Variants in THSD4 observed in about 807,000 individuals in gnomAD.
THSD4 encodes the protein thrombospondin type 1 domain containing 4.
THSD4 carries 69 observed loss-of-function variants against 119.0 expected under a neutral mutation model. The observed-to-expected ratio is 0.58, with a 90% CI of 0.48 to 0.71. The LOEUF is 0.71. THSD4 is among the 30% of genes least tolerant of loss of function. The probability of loss-of-function intolerance (pLI) is 0.00; values close to 1 mark genes in which losing one functional copy is unlikely to be tolerated. For missense variants in THSD4, 1,393 were observed against 1,391.1 expected (o/e 1.00, Z -0.02); for synonymous variants, 524 against 540.4 (o/e 0.97, Z 0.42).
chr15:71,691,132 C>G (rs1474289195), intron 8 of THSD4, among the ~76,000 whole-genome samples: 3 of 152,038 alleles, frequency 2.0e-5, no homozygotes, highest in Non-Finnish European at 4.4e-5. Context: ...GAAGGGGCCA[C>G]AAACTAAGGA....
chr15:71,547,191 C>G, intron 7 of THSD4: 1 of 1,321,326 alleles, frequency 7.6e-7, no homozygotes, highest in Non-Finnish European at 9.6e-7. Context: ...CTCCCCCAGC[C>G]GGGAGAAGTT....
chr15:71,374,220 G>A (rs2046100246), intron 6 of THSD4, among the ~76,000 whole-genome samples: 1 of 152,144 alleles, frequency 6.6e-6, no homozygotes, highest in South Asian at 2.1e-4. Flanking sequence ...GGATGCAGAG[G>A]GAAGTGTACC....
At chr15:71,121,315 A>C (rs1457958749) in intron 1 of THSD4, among the ~76,000 whole-genome samples, 1 of 151,606 alleles carries the variant, frequency 6.6e-6, no homozygotes, top group Non-Finnish European at 1.5e-5. Flanking sequence ...AAAATGCTCA[A>C]AACTATCTCA....
In THSD4 at chr15:71,780,603, G is replaced by A. The variant is rs2053982728; in HGVS notation, c.*3229G>A. On this transcript the variant is annotated 3_prime_UTR_variant, in exon 18 of 18. Coordinates refer to ENST00000261862, the MANE Select transcript of THSD4 (RefSeq NM_024817.3). ...AGTCAGTTCAGTTCCGTAAAGGTATGCTCAGTGCCCGCTGCCTGCAAGCTG... is the reference window on the plus strand; with the variant it reads ...AGTCAGTTCAGTTCCGTAAAGGTATACTCAGTGCCCGCTGCCTGCAAGCTG... 1 of 454,810 alleles carries A rather than the reference G, an allele frequency of 2.2e-6. No homozygotes were observed. Among genetic ancestry groups the A allele is most frequent in the Admixed American group, 2.4e-5 (1 of 42,014 alleles). 28.2% of individuals were successfully genotyped at this position (454,810 alleles called of 1,614,324 possible). A position where few individuals can be genotyped will look rare whatever the true frequency, so the allele number is the denominator to read the frequency against.
chr15:71,377,535 G>C (rs552432241), intron 6 of THSD4, among the ~76,000 whole-genome samples: 2 of 152,226 alleles, frequency 1.3e-5, no homozygotes, highest in Non-Finnish European at 2.9e-5. Context: ...TGTAGTGACA[G>C]GGATGCAAAG....
intron 11 of THSD4, among the ~76,000 whole-genome samples, chr15:71,744,147 CTTTTTT>C (rs56158827): frequency 9.7e-6 from 1 of 102,742 alleles, no homozygotes; most frequent in Non-Finnish European, 2.0e-5. Flanking sequence ...ATTGAATCAG[CTTTTTT>C]TTTTTTTTTT....
chr15:71,644,735 T>C (rs1453216007), intron 7 of THSD4, among the ~76,000 whole-genome samples: 1 of 152,198 alleles, frequency 6.6e-6, no homozygotes, highest in African/African-American at 2.4e-5. Context: ...AAATCACTTT[T>C]ACTGGTTACT....
intron 7 of THSD4, among the ~76,000 whole-genome samples, chr15:71,477,021 G>A (rs1341981021): frequency 6.6e-6 from 1 of 152,154 alleles, no homozygotes; most frequent in East Asian, 1.9e-4. Context: ...TGCAAACTCA[G>A]GTTTCATGCT....
At chr15:71,194,358 G>A (rs1001038067) in intron 3 of THSD4, among the ~76,000 whole-genome samples, 2 of 152,144 alleles carry the variant, frequency 1.3e-5, no homozygotes, top group Non-Finnish European at 2.9e-5. Context: ...GCCTCCTCCA[G>A]CTTTGCCCCA....
intron 8 of THSD4, among the ~76,000 whole-genome samples, chr15:71,673,405 A>G (rs970001066): frequency 2.6e-5 from 4 of 152,162 alleles, no homozygotes; most frequent in Non-Finnish European, 5.9e-5. Context: ...CTTGCTAACG[A>G]TCTAACAATT....
intron 6 of THSD4, among the ~76,000 whole-genome samples, chr15:71,365,147 G>GTC (rs976375189): frequency 1.2e-4 from 18 of 151,184 alleles, no homozygotes; most frequent in African/African-American, 4.4e-4. Context: ...GTGTGTGTGT[G>GTC]TGTGTGTGTG....
chr15:71,672,289 T>C (rs1333264579), intron 8 of THSD4, among the ~76,000 whole-genome samples: 1 of 152,234 alleles, frequency 6.6e-6, no homozygotes, highest in African/African-American at 2.4e-5. Flanking sequence ...TCTCTGTTTG[T>C]CTGTTGCTGG....
chr15:71,136,271 C>G (rs1247799016), intron 1 of THSD4, among the ~76,000 whole-genome samples: 1 of 152,086 alleles, frequency 6.6e-6, no homozygotes, highest in African/African-American at 2.4e-5. Flanking sequence ...AGCCAACGTC[C>G]TGATGCTTTT....
At chr15:71,541,980 A>T (rs955851566) in intron 7 of THSD4, among the ~76,000 whole-genome samples, 6 of 152,224 alleles carry the variant, frequency 3.9e-5, no homozygotes, top group Non-Finnish European at 7.3e-5. Context: ...CAGTCTTGTA[A>T]TTGTCATATG....
chr15:71,594,210 CCTT>C (rs936978987), intron 7 of THSD4, among the ~76,000 whole-genome samples: 4 of 151,422 alleles, frequency 2.6e-5, no homozygotes, highest in African/African-American at 9.7e-5. Flanking sequence ...CTGGATGAAT[CCTT>C]TTTTTTTTTT....
chr15:71,492,185 A>G (rs1055476616), intron 7 of THSD4, among the ~76,000 whole-genome samples: 2 of 152,160 alleles, frequency 1.3e-5, no homozygotes, highest in East Asian at 3.9e-4. Flanking sequence ...AACAGCATAC[A>G]TGTAGTCCAT....
At chr15:71,413,077 T>A (rs1297009945) in intron 7 of THSD4, among the ~76,000 whole-genome samples, 2 of 152,188 alleles carry the variant, frequency 1.3e-5, no homozygotes, top group Non-Finnish European at 2.9e-5. Context: ...AGTGGCACAA[T>A]CTCAGCTCAC....
At chr15:71,355,608 C>G (rs1240878654) in intron 6 of THSD4, among the ~76,000 whole-genome samples, 1 of 152,074 alleles carries the variant, frequency 6.6e-6, no homozygotes, top group East Asian at 1.9e-4. Context: ...AGAGGACTGT[C>G]CCGGGTGCTG....
chr15:71,164,922 C>T (rs1412880997), intron 3 of THSD4: 20 of 1,571,602 alleles, frequency 1.3e-5, no homozygotes, highest in Middle Eastern at 4.6e-4. Context: ...TCAGGCTTTC[C>T]TTTAGCTCGA....
Sources: allele counts gnomAD v4.1 joint callset (sites outside exome capture counted in the v4.1 genomes callset), GRCh38; gene constraint gnomAD v4.1.1; transcripts MANE v1.5; gene names NCBI Gene and HGNC (gene_info 2026-07-23, HGNC 2026-07-21).